BACH2: variants seen among roughly 807,000 people sequenced by gnomAD.
BACH2 encodes transcription regulator protein BACH2.
BACH2 carries 5 observed loss-of-function variants against 61.8 expected under a neutral mutation model. The observed-to-expected ratio is 0.08, with a 90% CI of 0.04 to 0.17. The LOEUF (loss-of-function observed/expected upper bound fraction) is 0.17, where lower values mean the gene tolerates loss of function less well. Among genes scored for constraint, BACH2 ranks in the 10% least tolerant of loss-of-function variants. BACH2 has a pLI of 1.00. For synonymous variants in BACH2, 446 were observed against 440.1 expected, an observed-to-expected ratio of 1.01 and a Z score of -0.17; for missense variants, 824 against 1,091.1, an observed-to-expected ratio of 0.76 and a Z score of 3.45.
intron 3 of BACH2, among the ~76,000 whole-genome samples, chr6:90,250,999 G>A (rs75276908): frequency 0.021 from 3,129 of 152,218 alleles, 129 homozygotes; most frequent in African/African-American, 0.072. Flanking sequence ...ACATATCCAA[G>A]GGATAGAGCT....
intron 4 of BACH2, among the ~76,000 whole-genome samples, chr6:90,098,776 G>A (rs1245535170): frequency 6.6e-6 from 1 of 152,140 alleles, no homozygotes; most frequent in Non-Finnish European, 1.5e-5. Flanking sequence ...TTCTTCTGGG[G>A]CCACTTTTGT....
chr6:90,240,342 T>C (rs1770409078), intron 3 of BACH2, among the ~76,000 whole-genome samples: 1 of 152,186 alleles, frequency 6.6e-6, no homozygotes, highest in Non-Finnish European at 1.5e-5. Flanking sequence ...CAGTGAAGAA[T>C]GCTACTATGT....
intron 4 of BACH2, among the ~76,000 whole-genome samples, chr6:90,197,912 C>G (rs1487518479): frequency 6.6e-6 from 1 of 152,060 alleles, no homozygotes; most frequent in African/African-American, 2.4e-5. Context: ...GTGAAAGTAC[C>G]AGCAACAAGA....
At chr6:90,029,350 G>A (rs1051824489) in intron 5 of BACH2, among the ~76,000 whole-genome samples, 2 of 152,100 alleles carry the variant, frequency 1.3e-5, no homozygotes, top group Non-Finnish European at 2.9e-5. Flanking sequence ...TGTCTCCCGA[G>A]AGACTGTTAG....
chr6:90,059,458 T>C (rs1030559998), intron 5 of BACH2, among the ~76,000 whole-genome samples: 5 of 152,122 alleles, frequency 3.3e-5, no homozygotes, highest in Non-Finnish European at 5.9e-5. Context: ...TGGCGATCAT[T>C]AAAAAGTCAG....
At chr6:90,092,337 C>T (rs1237022297) in intron 4 of BACH2, among the ~76,000 whole-genome samples, 1 of 142,086 alleles carries the variant, frequency 7.0e-6, no homozygotes, top group African/African-American at 2.7e-5. Context: ...CATTGCATCA[C>T]TTGCACTTGA....
At chr6:90,068,952 C>G (rs1781095091) in intron 5 of BACH2, among the ~76,000 whole-genome samples, 1 of 152,128 alleles carries the variant, frequency 6.6e-6, no homozygotes. Context: ...CAGTTTACAC[C>G]CCGGCACTAA....
At chr6:90,077,711 T>C (rs941877895) in intron 5 of BACH2, among the ~76,000 whole-genome samples, 1 of 152,188 alleles carries the variant, frequency 6.6e-6, no homozygotes, top group African/African-American at 2.4e-5. Flanking sequence ...TTTATATCTG[T>C]CCTGTATTTT....
intron 1 of BACH2, among the ~76,000 whole-genome samples, chr6:90,279,446 C>G (rs896025046): frequency 2.7e-5 from 4 of 150,680 alleles, no homozygotes; most frequent in African/African-American, 9.8e-5. Context: ...TCGCTTGAAC[C>G]CAGGAGGTGG....
chr6:89,982,989 A>C (rs918219031), intron 6 of BACH2, among the ~76,000 whole-genome samples: 1 of 152,220 alleles, frequency 6.6e-6, no homozygotes, highest in Non-Finnish European at 1.5e-5. Context: ...AGAAACAGAG[A>C]CCAAGAAGGC....
At chr6:90,212,021 C>A (rs370409) in intron 3 of BACH2, among the ~76,000 whole-genome samples, 115,299 of 152,046 alleles carry the variant, frequency 0.76, 45,011 homozygotes, top group African/African-American at 0.94. Context: ...CAAGGTGAAC[C>A]GGCTCTGAAG....
At chr6:90,200,582 C>A (rs59064987) in intron 4 of BACH2, among the ~76,000 whole-genome samples, 2 of 152,066 alleles carry the variant, frequency 1.3e-5, no homozygotes, top group Non-Finnish European at 2.9e-5. Context: ...CCATTTGCAC[C>A]TCAAATGCAA....
intron 3 of BACH2, among the ~76,000 whole-genome samples, chr6:90,243,046 ATTTTTTTTT>A (rs397886318): frequency 3.0e-5 from 3 of 101,230 alleles, no homozygotes; most frequent in Non-Finnish European, 6.1e-5. Flanking sequence ...TGCCCGGCTA[ATTTTTTTTT>A]TTTTTTTTTT....
Position 89,950,940 on chromosome 6 carries a change from G to C in BACH2, c.1166C>G (p.Thr389Arg), listed in dbSNP as rs1209998293. The change falls in exon 7 of 9, where the codon ACA (threonine) becomes AGA (arginine). Residue 389 changes from threonine to arginine, a missense_variant. This residue lies in a region of BACH2 where 226 missense variants were observed against 228.5 expected (regional missense o/e 0.99). Transcript: ENST00000257749. The surrounding 1 kb of genome is among the most constrained non-coding windows in gnomAD (Gnocchi z 5.3). ...CACGTGGGGCTGTCCATAATTCCCTGTGAAAGGGGTGTAGTCAGTTTTAAG... is the reference window on the plus strand; with the variant it reads ...CACGTGGGGCTGTCCATAATTCCCTCTGAAAGGGGTGTAGTCAGTTTTAAG... ...GDLKTDYTPF[T>R]GNYGQPHVGQ... 2 of 1,573,606 alleles carry C rather than the reference G, an allele frequency of 1.3e-6. No homozygotes were observed. The highest frequency in any genetic ancestry group is 1.7e-6 in the Non-Finnish European group (2 of 1,159,910).
chr6:90,219,984 C>A (rs1276011463), intron 3 of BACH2, among the ~76,000 whole-genome samples: 2 of 151,800 alleles, frequency 1.3e-5, no homozygotes. Flanking sequence ...TCCGCCTAAA[C>A]AGCCCACATT....
intron 4 of BACH2, among the ~76,000 whole-genome samples, chr6:90,104,947 T>C (rs1237262268): frequency 3.3e-5 from 5 of 152,156 alleles, no homozygotes; most frequent in African/African-American, 1.2e-4. Flanking sequence ...AAATCTGGCC[T>C]TCCGAAAGGT....
chr6:90,190,352 A>T (rs748135164), intron 4 of BACH2, among the ~76,000 whole-genome samples: 23 of 152,228 alleles, frequency 1.5e-4, no homozygotes, highest in Non-Finnish European at 3.1e-4. Flanking sequence ...TGTAAGAAAT[A>T]TTCAGGCCTG....
At chr6:90,093,667 A>G (rs1209278659) in intron 4 of BACH2, among the ~76,000 whole-genome samples, 1 of 152,234 alleles carries the variant, frequency 6.6e-6, no homozygotes, top group Admixed American at 6.5e-5. Context: ...TTCAGACTCC[A>G]GAAGCCCACA....
intron 5 of BACH2, among the ~76,000 whole-genome samples, chr6:90,014,436 G>GTATATATATATATA (rs1777909930): frequency 1.5e-5 from 1 of 65,960 alleles, no homozygotes; most frequent in African/African-American, 1.2e-4. Context: ...GTGTGTGTGT[G>GTATATATATATATA]TGTGTATATA....
Sources: gnomAD v4.1 joint callset for allele counts (sites outside exome capture counted in the v4.1 genomes callset) on GRCh38, gnomAD v4.1.1 for gene constraint, gnomAD v4.1.1 regional missense constraint, Gnocchi (gnomAD v3.1) non-coding constraint, MANE v1.5 for transcripts, NCBI Gene and HGNC (gene_info 2026-07-23, HGNC 2026-07-21) for gene names.